The following KIF26B variants were observed in gnomAD, a reference collection of about 807,000 sequenced individuals.
The protein encoded by KIF26B is kinesin family member 26B.
Under a neutral mutation model 151.2 loss-of-function variants are expected in KIF26B, and 63 were observed. The observed-to-expected ratio is 0.42, with a 90% CI of 0.34 to 0.51. The LOEUF (loss-of-function observed/expected upper bound fraction) is 0.51. Ranked by LOEUF, KIF26B falls within the 20% of genes least tolerant of loss-of-function variation. The probability of loss-of-function intolerance (pLI) is 0.07; values close to 1 mark genes in which losing one functional copy is unlikely to be tolerated. For missense variants in KIF26B, 2,813 were observed against 2,913.6 expected (o/e 0.97, Z 0.79); for synonymous variants, 1,357 against 1,262.1 (o/e 1.08, Z -1.59).
intron 9 of KIF26B, among the ~76,000 whole-genome samples, chr1:245,636,981 A>AGT (rs2043840909): frequency 6.6e-6 from 1 of 152,070 alleles, no homozygotes; most frequent in Non-Finnish European, 1.5e-5. Context: ...TAAACATGGT[A>AGT]GTGCAGATAC....
chr1:245,684,436 C>G lies in KIF26B; in HGVS notation c.2421+41C>G, dbSNP rs1027544226. ...GGTGGGGGGGTGGTGGATGAGGGAG[C>G]CTTTGGAGCCGTGCCCTGGAACAGA... On this transcript the variant is annotated intron_variant, in intron 11 of 14. Transcript: ENST00000407071. 13 of 1,531,814 alleles carry G rather than the reference C, an allele frequency of 8.5e-6. No individual in the cohort carries two copies. The Middle Eastern group carries it at 8.5e-4, about 100-fold the overall frequency. 94.9% of individuals were successfully genotyped at this position (1,531,814 alleles called of 1,614,324 possible).
At chr1:245,179,074 T>A (rs1233438391) in intron 2 of KIF26B, among the ~76,000 whole-genome samples, 1 of 152,170 alleles carries the variant, frequency 6.6e-6, no homozygotes, top group Non-Finnish European at 1.5e-5. Flanking sequence ...AATGAAAACT[T>A]GTAAATAGGC....
At chr1:245,162,375 CTTTTTTTTTT>C (rs138853411) in intron 2 of KIF26B, among the ~76,000 whole-genome samples, 1 of 76,494 alleles carries the variant, frequency 1.3e-5, no homozygotes, top group African/African-American at 5.1e-5. Flanking sequence ...TCAGAAATAT[CTTTTTTTTTT>C]TTTTTTTTTT....
At chr1:245,347,559 C>T (rs947739964) in intron 2 of KIF26B, among the ~76,000 whole-genome samples, 1 of 152,172 alleles carries the variant, frequency 6.6e-6, no homozygotes, top group East Asian at 1.9e-4. Flanking sequence ...CGGGCTCAAG[C>T]AATCCTCCTG....
intron 9 of KIF26B, among the ~76,000 whole-genome samples, chr1:245,642,867 G>C (rs983399434): frequency 1.3e-5 from 2 of 152,206 alleles, no homozygotes; most frequent in African/African-American, 2.4e-5. Context: ...CTGTGGAATA[G>C]AAGCTGGAGA....
chr1:245,573,822 C>A (rs149318017), intron 5 of KIF26B, among the ~76,000 whole-genome samples: 1 of 152,064 alleles, frequency 6.6e-6, no homozygotes, highest in East Asian at 1.9e-4. Context: ...GTAACCAGGG[C>A]GGCTACTGAG....
chr1:245,302,627 T>C lies in KIF26B; in HGVS notation c.466-64207T>C, dbSNP rs371213990. 2.6e-5 allele frequency among the ~76,000 whole-genome samples: 4 copies of C among 152,238 alleles called. No individual in the cohort carries two copies. The East Asian group carries it at 5.8e-4, about 22-fold the overall frequency. On this transcript the variant is annotated intron_variant, in intron 2 of 14. Coordinates refer to ENST00000407071, the MANE Select transcript of KIF26B (RefSeq NM_018012.4). ...TGTGTCACAGAAGCAGTAAGAAACA[T>C]CGAGGAATTTCCCAACATATCAGGG...
chr1:245,699,184 C>G (rs1371577069), intron 14 of KIF26B, 147 bp downstream of exon 14: 1 of 810,488 alleles, frequency 1.2e-6, no homozygotes. Context: ...TTGCACCGAG[C>G]GAGCAGCCCT....
intron 3 of KIF26B, among the ~76,000 whole-genome samples, chr1:245,382,322 C>T (rs1250850935): frequency 1.3e-5 from 2 of 152,078 alleles, no homozygotes; most frequent in African/African-American, 4.8e-5. Context: ...TGATGTTGAG[C>T]ATCTTTTCAT....
chr1:245,249,854 G>C (rs1670410326), intron 2 of KIF26B, among the ~76,000 whole-genome samples: 2 of 152,136 alleles, frequency 1.3e-5, no homozygotes, highest in East Asian at 3.9e-4. Flanking sequence ...GTTTGTCCAG[G>C]ACAGGTTAGA....
intron 2 of KIF26B, among the ~76,000 whole-genome samples, chr1:245,291,958 G>T (rs1459276296): frequency 3.3e-5 from 5 of 152,174 alleles, no homozygotes; most frequent in Non-Finnish European, 7.3e-5. Context: ...GTCTCCTGGG[G>T]CTGGGTGAGC....
At chr1:245,530,651 T>C (rs1661340305) in intron 4 of KIF26B, among the ~76,000 whole-genome samples, 1 of 152,214 alleles carries the variant, frequency 6.6e-6, no homozygotes, top group African/African-American at 2.4e-5. Context: ...ATCTTTCAGC[T>C]CCTACCAGAG....
intron 4 of KIF26B, among the ~76,000 whole-genome samples, chr1:245,532,436 G>C (rs182743600): frequency 6.6e-6 from 1 of 151,680 alleles, no homozygotes; most frequent in Non-Finnish European, 1.5e-5. Flanking sequence ...TGGTAGAGAC[G>C]GGGTTTCATC....
At chr1:245,661,686 C>T (rs2044141759) in intron 10 of KIF26B, among the ~76,000 whole-genome samples, 1 of 138,674 alleles carries the variant, frequency 7.2e-6, no homozygotes, top group African/African-American at 2.7e-5. Context: ...TATATATATA[C>T]ACCCAATGTT....
chr1:245,372,694 A>G (rs1673156441), intron 3 of KIF26B, among the ~76,000 whole-genome samples: 1 of 152,336 alleles, frequency 6.6e-6, no homozygotes, highest in African/African-American at 2.4e-5. Flanking sequence ...CTTTTGCCTG[A>G]TTAACATTTA....
rs768405926 is a variant in KIF26B, at chr1:245,687,051, C to T, written c.4068C>T (p.Pro1356=). Residue 1356 remains proline (P), a synonymous_variant, in exon 12 of 15, where the codon CCC becomes CCT. Transcript: ENST00000407071. The surrounding 1 kb of genome is among the most constrained non-coding windows in gnomAD (Gnocchi z 4.9). ...MGDDSFNKAA[P]IKGCKISTVS... is the part of the protein sequence containing the mutation. ...ATGACTCTTTCAACAAAGCAGCCCC[C>T]ATCAAAGGCTGCAAAATATCCACAG... 2.5e-6 allele frequency: 4 copies of T among 1,613,400 alleles called. No homozygotes were observed. Among genetic ancestry groups the T allele is most frequent in the Non-Finnish European group, 3.4e-6 (4 of 1,179,782 alleles).
intron 2 of KIF26B, among the ~76,000 whole-genome samples, chr1:245,323,654 T>C (rs1466576916): frequency 2.6e-5 from 4 of 152,202 alleles, no homozygotes; most frequent in African/African-American, 9.6e-5. Flanking sequence ...AATTTTTAGT[T>C]AAGAAAGGCT....
chr1:245,340,390 A>G (rs1672312604), intron 2 of KIF26B, among the ~76,000 whole-genome samples: 2 of 151,742 alleles, frequency 1.3e-5, no homozygotes, highest in Admixed American at 1.3e-4. Context: ...GTACAGACGC[A>G]ACCATCCTTT....
At chr1:245,486,704 C>T (rs929170271) in intron 4 of KIF26B, among the ~76,000 whole-genome samples, 1 of 152,136 alleles carries the variant, frequency 6.6e-6, no homozygotes, top group African/African-American at 2.4e-5. Context: ...AGGTCTCGCT[C>T]TGTCACCCAG....
Sources: allele counts gnomAD v4.1 joint callset (sites outside exome capture counted in the v4.1 genomes callset), GRCh38; gene constraint gnomAD v4.1.1; non-coding constraint Gnocchi (gnomAD v3.1); transcripts MANE v1.5; gene names NCBI Gene and HGNC (gene_info 2026-07-23, HGNC 2026-07-21).